Variants in TAOK1 observed in about 807,000 individuals in gnomAD.
TAOK1 encodes the protein TAO kinase 1, also known as serine/threonine-protein kinase TAO1.
In TAOK1, 21 loss-of-function variants were observed where a neutral mutation model predicts 138.3. The observed-to-expected ratio is 0.15, with a 90% CI of 0.11 to 0.22. The LOEUF is 0.22. TAOK1 is among the 10% of genes least tolerant of loss of function. TAOK1 has a pLI of 1.00. For missense variants in TAOK1, 651 were observed against 1,227.7 expected, an observed-to-expected ratio of 0.53 and a Z score of 7.02; for synonymous variants, 361 against 398.4, an observed-to-expected ratio of 0.91 and a Z score of 1.12.
chr17:29,482,379 T>C, intron 8 of TAOK1, 91 bp downstream of exon 8: 1 of 1,031,492 alleles, frequency 9.7e-7, no homozygotes. Context: ...TAGATTTTTA[T>C]CTTAAATGTC....
chr17:29,507,313 C>T (rs1740604477), intron 13 of TAOK1, among the ~76,000 whole-genome samples: 1 of 149,446 alleles, frequency 6.7e-6, no homozygotes, highest in African/African-American at 2.5e-5. Flanking sequence ...TGTGTCCTGC[C>T]CAAGAAGTAT....
At chr17:29,392,791 A>T (rs1904472024) in intron 1 of TAOK1, among the ~76,000 whole-genome samples, 1 of 152,200 alleles carries the variant, frequency 6.6e-6, no homozygotes, top group African/African-American at 2.4e-5. Context: ...ACTTATTTTT[A>T]AATACTTCAA....
At chr17:29,457,856 A>G (rs1055335362) in intron 2 of TAOK1, among the ~76,000 whole-genome samples, 1 of 152,014 alleles carries the variant, frequency 6.6e-6, no homozygotes. Context: ...CACGCGTGTA[A>G]TCTCAGCACT....
At chr17:29,471,116 C>A (rs989051234) in intron 3 of TAOK1, among the ~76,000 whole-genome samples, 1 of 150,676 alleles carries the variant, frequency 6.6e-6, no homozygotes, top group South Asian at 2.1e-4. Context: ...CAAGATTGTG[C>A]CACTGCACTC....
chr17:29,413,968 T>A (rs1905207552), intron 1 of TAOK1, among the ~76,000 whole-genome samples: 1 of 141,168 alleles, frequency 7.1e-6, no homozygotes, highest in Non-Finnish European at 1.5e-5. Flanking sequence ...CTGCAAACTC[T>A]GCCTCCGGGG....
At chr17:29,489,580 TTA>T in intron 8 of TAOK1, 82 bp from the exon 9 acceptor site, 1 of 850,036 alleles carries the variant, frequency 1.2e-6, no homozygotes. Flanking sequence ...ATAAAATCAT[TTA>T]AAAAAAAAAA....
chr17:29,404,864 A>AGC (rs1904950496), intron 1 of TAOK1, among the ~76,000 whole-genome samples: 2 of 152,222 alleles, frequency 1.3e-5, no homozygotes, highest in Admixed American at 1.3e-4. Context: ...TCTGTATTTT[A>AGC]ACATAAATTT....
chr17:29,481,226 C>T (rs1452533642), intron 7 of TAOK1, among the ~76,000 whole-genome samples: 4 of 149,484 alleles, frequency 2.7e-5, no homozygotes, highest in Non-Finnish European at 5.9e-5. Flanking sequence ...CATAGTCTTG[C>T]TCTCTCGCCC....
intron 1 of TAOK1, among the ~76,000 whole-genome samples, chr17:29,416,223 C>T (rs1905260102): frequency 6.6e-6 from 1 of 152,094 alleles, no homozygotes; most frequent in South Asian, 2.1e-4. Context: ...GAGATTGCAC[C>T]ACTGCACTCC....
At chr17:29,428,259 G>T (rs1905711746) in intron 1 of TAOK1, among the ~76,000 whole-genome samples, 1 of 152,178 alleles carries the variant, frequency 6.6e-6, no homozygotes. Flanking sequence ...GCAAGAAGCT[G>T]TTCTTTACAG....
chr17:29,526,989 G>A (rs903708471), intron 17 of TAOK1, among the ~76,000 whole-genome samples: 1 of 152,098 alleles, frequency 6.6e-6, no homozygotes, highest in African/African-American at 2.4e-5. Context: ...AGCTGGGTGT[G>A]GTGGCATGCA....
At chr17:29,463,552 C>T (rs2030581175) in intron 2 of TAOK1, among the ~76,000 whole-genome samples, 1 of 143,068 alleles carries the variant, frequency 7.0e-6, no homozygotes, top group Non-Finnish European at 1.5e-5. Context: ...GCCTGGGTGA[C>T]AGAGCAAGAC....
chr17:29,525,675 G>T (rs778085784), intron 17 of TAOK1, among the ~76,000 whole-genome samples: 3 of 152,148 alleles, frequency 2.0e-5, no homozygotes, highest in Non-Finnish European at 4.4e-5. Context: ...GATTACAGGC[G>T]TGAGCCACCG....
At chr17:29,510,130 A>G (rs1417135853) in intron 14 of TAOK1, among the ~76,000 whole-genome samples, 1 of 149,934 alleles carries the variant, frequency 6.7e-6, no homozygotes, top group Non-Finnish European at 1.5e-5. Context: ...TAATCCCAGC[A>G]CTTTGGGAGG....
intron 10 of TAOK1, among the ~76,000 whole-genome samples, chr17:29,492,343 G>C (rs1322907935): frequency 1.3e-5 from 2 of 152,016 alleles, no homozygotes; most frequent in African/African-American, 2.4e-5. Flanking sequence ...CTAAATTTTT[G>C]TATTTTGTTT....
intron 1 of TAOK1, among the ~76,000 whole-genome samples, chr17:29,397,620 A>ATG (rs1904660808): frequency 6.2e-5 from 4 of 64,652 alleles, no homozygotes; most frequent in Non-Finnish European, 1.1e-4. Context: ...AAAAATATAT[A>ATG]TATATATATA....
At position 29,545,740 on chromosome 17, in the gene TAOK1, G is replaced by A. The variant is rs2032392113; in HGVS notation, c.*2718G>A. The A allele has an allele frequency of 2.0e-5, 3 of 152,114 alleles. No homozygotes were observed. Among genetic ancestry groups the A allele is most frequent in the African/African-American group, 7.2e-5 (3 of 41,432 alleles). The allele number at this position is 152,114 out of a possible 1,614,324, so 9.4% of individuals were successfully genotyped here. A position where few individuals can be genotyped will look rare whatever the true frequency, so the allele number is the denominator to read the frequency against. On this transcript the variant is annotated 3_prime_UTR_variant, in exon 20 of 20. Coordinates refer to ENST00000261716, the MANE Select transcript of TAOK1 (RefSeq NM_020791.4). ...AGCAGAAAAATTGGAAGGGTTTTGA[G>A]ATATCCTAGAGAAAGAGCAAGCACT... is the stretch of plus-strand genomic sequence containing the variant.
Position 29,542,832 on chromosome 17 carries a change from G to T in TAOK1, c.2816G>T (p.Gly939Val), listed in dbSNP as rs761177436. ...CAAGCTTGGGGCCATCCAATGCAAG[G>T]TGGACCCCAGCCATGGGGTCACCCT... is the stretch of plus-strand genomic sequence containing the variant. ...PPQAWGHPMQGGPQPWGHPSG... is the reference protein window; with the variant it reads ...PPQAWGHPMQVGPQPWGHPSG... Residue 939 changes from glycine to valine, a missense_variant, in exon 20 of 20, where the codon GGT (glycine) becomes GTT (valine). By Grantham distance (109) the Gly-to-Val change is moderately radical (BLOSUM62 -3). This residue lies in a region of TAOK1 where 108 missense variants were observed against 120.3 expected (regional missense o/e 0.90). Transcript: ENST00000261716. 31 of 1,614,038 alleles carry T rather than the reference G, an allele frequency of 1.9e-5. No homozygotes were observed. The highest frequency in any genetic ancestry group is 2.5e-5 in the Non-Finnish European group (30 of 1,180,014).
At chr17:29,395,556 G>A (rs1407331439) in intron 1 of TAOK1, among the ~76,000 whole-genome samples, 2 of 151,212 alleles carry the variant, frequency 1.3e-5, no homozygotes, top group East Asian at 1.9e-4. Context: ...AAATAAAAAA[G>A]TTTTATTTCT....
Sources: gnomAD v4.1 joint callset for allele counts (sites outside exome capture counted in the v4.1 genomes callset) on GRCh38, gnomAD v4.1.1 for gene constraint, gnomAD v4.1.1 regional missense constraint, MANE v1.5 for transcripts, NCBI Gene and HGNC (gene_info 2026-07-23, HGNC 2026-07-21) for gene names.